The following XCR1 variants were observed in gnomAD, a reference collection of about 807,000 sequenced individuals.
The protein encoded by XCR1 is chemokine XC receptor 1.
For synonymous variants in XCR1, 187 were observed against 188.5 expected (o/e 0.99, Z 0.06); for missense variants, 356 against 424.2 (o/e 0.84, Z 1.41).
At chr3:46,045,082 C>T (rs565915655) in intron 5 of XCR1, among the ~76,000 whole-genome samples, 6 of 152,134 alleles carry the variant, frequency 3.9e-5, no homozygotes, top group South Asian at 2.1e-4. Context: ...TAAACATAGA[C>T]GCAAAAAGCC....
chr3:46,050,990 C>G (rs1415638115), intron 5 of XCR1, among the ~76,000 whole-genome samples: 1 of 152,140 alleles, frequency 6.6e-6, no homozygotes, highest in African/African-American at 2.4e-5. Flanking sequence ...TTCAATTGCT[C>G]TTTTACCAAC....
chr3:46,058,152 G>A (rs1192004010), intron 4 of XCR1, among the ~76,000 whole-genome samples: 5 of 152,130 alleles, frequency 3.3e-5, no homozygotes, highest in Admixed American at 3.3e-4. Flanking sequence ...TTCAATTTAA[G>A]GCCAGTAATG....
intron 2 of XCR1, among the ~76,000 whole-genome samples, chr3:46,076,649 G>A (rs771379452): frequency 1.3e-5 from 2 of 151,684 alleles, no homozygotes; most frequent in Non-Finnish European, 2.9e-5. Context: ...TGTGGCTCCT[G>A]TTTAGTTCAC....
chr3:46,023,403 G>T (rs1274018675), intron 1 of XCR1: 14 of 1,468,822 alleles, frequency 9.5e-6, no homozygotes, highest in Admixed American at 1.7e-5. Flanking sequence ...GTCACAAAAA[G>T]GCTGCGGCAT....
intron 4 of XCR1, among the ~76,000 whole-genome samples, chr3:46,060,493 AT>A (rs1218634961): frequency 3.3e-5 from 5 of 152,062 alleles, no homozygotes; most frequent in African/African-American, 1.2e-4. Context: ...GCACTCCCTT[AT>A]TTGCCTGTTA....
upstream of XCR1, among the ~76,000 whole-genome samples, chr3:46,085,828 G>A (rs762630700): frequency 6.6e-6 from 1 of 152,100 alleles, no homozygotes; most frequent in African/African-American, 2.4e-5. Context: ...CAGCATCTGG[G>A]AGCTTGTTAG....
At chr3:46,037,958 A>G (rs1313182410) in intron 5 of XCR1, among the ~76,000 whole-genome samples, 1 of 152,002 alleles carries the variant, frequency 6.6e-6, no homozygotes, top group Non-Finnish European at 1.5e-5. Context: ...GTATAGTGCT[A>G]TCAGTTGACT....
chr3:46,024,277 G>A (rs1708242020), intron 1 of XCR1: 1 of 305,838 alleles, frequency 3.3e-6, no homozygotes, highest in African/African-American at 2.2e-5. Context: ...TCCCGGAAAT[G>A]TTTCATCATC....
intron 5 of XCR1, among the ~76,000 whole-genome samples, chr3:46,036,259 A>G (rs765626827): frequency 6.6e-6 from 1 of 152,174 alleles, no homozygotes; most frequent in Non-Finnish European, 1.5e-5. Flanking sequence ...GTTTGGCCCC[A>G]GTGTTCCTTG....
At chr3:46,023,987 C>T in intron 1 of XCR1, 2 of 1,439,420 alleles carry the variant, frequency 1.4e-6, no homozygotes, top group South Asian at 2.3e-5. Flanking sequence ...AGCTTGCCGC[C>T]ACATTCAGAA....
chr3:46,023,180 T>A (rs1708196008), intron 1 of XCR1: 2 of 444,626 alleles, frequency 4.5e-6, no homozygotes, highest in Non-Finnish European at 7.9e-6. Flanking sequence ...GAGGAGGAAG[T>A]GGAGAGATTG....
intron 3 of XCR1, among the ~76,000 whole-genome samples, chr3:46,073,260 A>G (rs1396564543): frequency 2.0e-5 from 3 of 152,216 alleles, no homozygotes; most frequent in African/African-American, 7.2e-5. Context: ...ACAAAAATAG[A>G]CAAGTGGGAC....
chr3:46,050,753 C>T (rs1323435910), intron 5 of XCR1, among the ~76,000 whole-genome samples: 3 of 152,084 alleles, frequency 2.0e-5, no homozygotes, highest in African/African-American at 4.8e-5. Context: ...TCATCCTTCT[C>T]GTGTAAGGAG....
chr3:46,059,929 C>T (rs1464667410), intron 4 of XCR1, among the ~76,000 whole-genome samples: 1 of 152,168 alleles, frequency 6.6e-6, no homozygotes, highest in African/African-American at 2.4e-5. Context: ...GAACAGGTTG[C>T]AGTGTCCTTG....
chr3:46,075,308 C>CAAAAAAAAAAAAAA (rs56787185), intron 2 of XCR1, among the ~76,000 whole-genome samples: 158 of 61,616 alleles, frequency 2.6e-3, no homozygotes, highest in East Asian at 3.0e-3. Context: ...GCTCATAGAC[C>CAAAAAAAAAAAAAA]AAAAAAAAAA....
chr3:46,053,321 AT>A (rs1377114393), intron 5 of XCR1, among the ~76,000 whole-genome samples: 3 of 145,718 alleles, frequency 2.1e-5, no homozygotes, highest in Non-Finnish European at 4.4e-5. Flanking sequence ...ACTTACGGAA[AT>A]AGGAAAAGCA....
intron 5 of XCR1, among the ~76,000 whole-genome samples, chr3:46,042,662 GA>G (rs1329708793): frequency 6.6e-6 from 1 of 152,166 alleles, no homozygotes; most frequent in Admixed American, 6.5e-5. Flanking sequence ...AACAAGAAAA[GA>G]TATTGAATCA....
At position 46,017,267 on chromosome 3, in the gene XCR1, C is replaced by A. The variant is rs926074367; in HGVS notation, c.*3679G>T. 6.6e-6 allele frequency: 1 copy of A among 152,176 alleles called. No individual in the cohort carries two copies. The highest frequency in any genetic ancestry group is 1.5e-5 in the Non-Finnish European group (1 of 68,028). The allele number at this position is 152,176 out of a possible 1,614,324, so 9.4% of individuals were successfully genotyped here. A position where few individuals can be genotyped will look rare whatever the true frequency, so the allele number is the denominator to read the frequency against. On this transcript the variant is annotated 3_prime_UTR_variant, in exon 2 of 2. Transcript: ENST00000309285. ...TTAGGTCCAGGGCTCAAATGTCATTCGACTCCACAGACAGTTTACTTTGGA... is the reference window on the plus strand; with the variant it reads ...TTAGGTCCAGGGCTCAAATGTCATTAGACTCCACAGACAGTTTACTTTGGA...
intron 5 of XCR1, among the ~76,000 whole-genome samples, chr3:46,038,023 G>GTTTT (rs1254638392): frequency 2.9e-5 from 3 of 105,150 alleles, no homozygotes; most frequent in African/African-American, 1.9e-4. Context: ...GCACGGGTTT[G>GTTTT]TTTTTTGTTT....
Sources: gnomAD v4.1 joint callset for allele counts (sites outside exome capture counted in the v4.1 genomes callset) on GRCh38, gnomAD v4.1.1 for gene constraint, MANE v1.5 for transcripts, NCBI Gene and HGNC (gene_info 2026-07-23, HGNC 2026-07-21) for gene names.